The following PLD1 variants were observed in gnomAD, a reference collection of about 807,000 sequenced individuals.
The protein encoded by PLD1 is choline phosphatase 1.
A neutral mutation model predicts 137.1 loss-of-function variants in PLD1; 112 were observed. That is an observed-to-expected ratio of 0.82 (90% CI 0.70 to 0.96). PLD1 has a LOEUF of 0.96. PLD1 is among the 40% of genes least tolerant of loss of function. PLD1 has a pLI of 0.00. For synonymous variants in PLD1, 431 were observed against 454.7 expected, an observed-to-expected ratio of 0.95 and a Z score of 0.66; for missense variants, 1,321 against 1,342.0, an observed-to-expected ratio of 0.98 and a Z score of 0.24.
intron 1 of PLD1, among the ~76,000 whole-genome samples, chr3:171,775,944 C>T (rs1281744060): frequency 6.6e-6 from 1 of 152,040 alleles, no homozygotes; most frequent in Non-Finnish European, 1.5e-5. Context: ...AAGGGGGACC[C>T]TAGTATGAGA....
At chr3:171,788,674 T>C (rs1464315414) in intron 1 of PLD1, 1 of 152,236 alleles carries the variant, frequency 6.6e-6, no homozygotes, top group East Asian at 1.9e-4. Flanking sequence ...GTCAAGATGA[T>C]GACGAAACTC....
intron 8 of PLD1, among the ~76,000 whole-genome samples, chr3:171,715,486 T>A (rs1054959228): frequency 6.6e-6 from 1 of 152,208 alleles, no homozygotes; most frequent in African/African-American, 2.4e-5. Context: ...ATTTTAGGAT[T>A]GTTTTTTCTA....
intron 13 of PLD1, among the ~76,000 whole-genome samples, chr3:171,690,152 C>A (rs936223532): frequency 6.6e-6 from 1 of 152,070 alleles, no homozygotes; most frequent in African/African-American, 2.4e-5. Flanking sequence ...TCTAGGTTAT[C>A]GAATTGCTTA....
intron 21 of PLD1, among the ~76,000 whole-genome samples, chr3:171,658,327 A>G (rs1737383985): frequency 1.3e-5 from 2 of 152,196 alleles, no homozygotes; most frequent in Non-Finnish European, 2.9e-5. Context: ...AAATGAAAAT[A>G]TATATCTGCA....
chr3:171,702,323 GA>G (rs1218399310), intron 11 of PLD1, among the ~76,000 whole-genome samples: 7 of 151,710 alleles, frequency 4.6e-5, no homozygotes, highest in Non-Finnish European at 8.8e-5. Flanking sequence ...CTGTCTCTAC[GA>G]AAAAATTTAA....
rs144109367 is a variant in PLD1 at position 171,662,075 on chromosome 3, G to T, written c.2325C>A (p.His775Gln). 11 of 1,596,386 alleles carry T rather than the reference G, an allele frequency of 6.9e-6. No individual in the cohort carries two copies. In the African/African-American group the frequency reaches 1.2e-4, roughly 18 times the overall value. Residue 775 changes from histidine (H) to glutamine (Q), a missense_variant, in exon 20 of 27, where the codon CAC becomes CAA. By Grantham distance (24) the His-to-Gln change is conservative. Transcript: ENST00000351298. The part of the protein sequence containing the change: ...AYVHVIENSR[H>Q]YIYIENQFFI... ...CAAGACTTACTTCGATATAGATATA[G>T]TGCCTGCTGTTCTCTATCACATGGA...
chr3:171,779,044 C>T (rs1722687543), intron 1 of PLD1, among the ~76,000 whole-genome samples: 1 of 152,072 alleles, frequency 6.6e-6, no homozygotes, highest in African/African-American at 2.4e-5. Context: ...CAAAACTTAG[C>T]TGGGTATGGT....
chr3:171,612,834 A>G lies in PLD1; in HGVS notation c.2729-402T>C, dbSNP rs113124860. Reference sequence around the variant, plus strand: ...CAGGAGCTGCTGCAGCCATTTCACAACCACTAGAGAACAAACAAAAAAGCT... The same window carrying G: ...CAGGAGCTGCTGCAGCCATTTCACAGCCACTAGAGAACAAACAAAAAAGCT... On this transcript the variant is annotated intron_variant, in intron 24 of 26. Coordinates refer to ENST00000351298, the MANE Select transcript of PLD1 (RefSeq NM_002662.5). This position sits in a 1 kb window ranked among gnomAD's most constrained non-coding sequence, Gnocchi z 4.1. 1.7e-3 allele frequency among the ~76,000 whole-genome samples: 257 copies of G among 152,246 alleles called. 3 individuals carry two copies. The highest frequency in any genetic ancestry group is 5.9e-3 in the African/African-American group (247 of 41,538).
intron 21 of PLD1, among the ~76,000 whole-genome samples, chr3:171,646,260 GTGT>G (rs1736204661): frequency 1.3e-5 from 2 of 152,134 alleles, no homozygotes; most frequent in Admixed American, 1.3e-4. Flanking sequence ...TCACACAAAG[GTGT>G]TGTCATTGGT....
At chr3:171,628,846 T>C (rs973062981) in intron 23 of PLD1, among the ~76,000 whole-genome samples, 3 of 152,184 alleles carry the variant, frequency 2.0e-5, no homozygotes, top group Non-Finnish European at 4.4e-5. Flanking sequence ...AAATTAGGTA[T>C]TGATGGGACA....
intron 8 of PLD1, 22 bp downstream of exon 8, chr3:171,724,674 C>T (rs774376042): frequency 5.6e-6 from 8 of 1,432,680 alleles, no homozygotes; most frequent in South Asian, 3.4e-5. Context: ...CAAACAAATA[C>T]ACAAAACTCA....
intron 23 of PLD1, among the ~76,000 whole-genome samples, chr3:171,634,408 C>T (rs955343398): frequency 1.3e-5 from 2 of 152,056 alleles, no homozygotes; most frequent in African/African-American, 2.4e-5. Flanking sequence ...ATGATTTTCC[C>T]GATTTTATTT....
At chr3:171,634,075 C>A (rs934207804) in intron 23 of PLD1, among the ~76,000 whole-genome samples, 1 of 152,168 alleles carries the variant, frequency 6.6e-6, no homozygotes, top group African/African-American at 2.4e-5. Context: ...AACAATACAA[C>A]CTTGTACTTT....
Position 171,662,136 on chromosome 3 carries a change from A to T in PLD1, c.2264T>A (p.Ile755Lys). 6.2e-7 allele frequency: 1 copy of T among 1,613,500 alleles called. No homozygotes were observed. The highest frequency in any genetic ancestry group is 1.3e-5 in the African/African-American group (1 of 75,042). ...LRSAADWSAG[I>K]KYHEESIHAA... is the part of the protein sequence containing the mutation. Reference sequence around the variant, plus strand: ...GTGGATGGACTCTTCATGGTACTTTATACCAGCAGACCAATCAGCAGCAGA... The same window carrying T: ...GTGGATGGACTCTTCATGGTACTTTTTACCAGCAGACCAATCAGCAGCAGA... The change falls in exon 20 of 27, where the codon ATA (isoleucine) becomes AAA (lysine). Residue 755 changes from isoleucine to lysine, a missense_variant. Transcript: ENST00000351298.
intron 23 of PLD1, among the ~76,000 whole-genome samples, chr3:171,622,181 A>G (rs1733696630): frequency 6.6e-6 from 1 of 152,172 alleles, no homozygotes; most frequent in Non-Finnish European, 1.5e-5. Flanking sequence ...GCTAAAGTAA[A>G]TATTTTTTTA....
chr3:171,619,092 T>C (rs1733369103), intron 24 of PLD1, among the ~76,000 whole-genome samples: 1 of 152,198 alleles, frequency 6.6e-6, no homozygotes, highest in Admixed American at 6.5e-5. Context: ...AAGTATCTTA[T>C]TATAGCTGAT....
chr3:171,737,646 G>A lies in PLD1; in HGVS notation c.174C>T (p.Phe58=). 6.4e-7 allele frequency: 1 copy of A among 1,556,384 alleles called. No individual in the cohort carries two copies. The highest frequency in any genetic ancestry group is 1.1e-5 in the South Asian group (1 of 87,618). ...ATCCTTGAGTGTTATAAATAGCAGAGAAAGGGATATACACTAAAAAAAAAA... is the reference window on the plus strand; with the variant it reads ...ATCCTTGAGTGTTATAAATAGCAGAAAAAGGGATATACACTAAAAAAAAAA... ...DPKIQEVYIP[F]SAIYNTQGFK... The change falls in exon 3 of 27, where the codon TTC becomes TTT. Residue 58 remains phenylalanine (F), a synonymous_variant. Transcript: ENST00000351298.
At chr3:171,798,859 G>A (rs994516321) in intron 1 of PLD1, among the ~76,000 whole-genome samples, 1 of 152,114 alleles carries the variant, frequency 6.6e-6, no homozygotes, top group Non-Finnish European at 1.5e-5. Flanking sequence ...GCCATGCTGG[G>A]ATGGGCCTCA....
rs1499849 is a variant in PLD1, at chr3:171,618,720, A to T, written c.2728+1666T>A. ...TGCTATACAAATATTAAAAGTGTGT[A>T]TGTGTGTGTGTGTGTGTGTGTGTGT... is the stretch of plus-strand genomic sequence containing the variant. On this transcript the variant is annotated intron_variant, in intron 24 of 26. Transcript: ENST00000351298. Among the ~76,000 whole-genome samples, 3 of 140,658 alleles carry T rather than the reference A, an allele frequency of 2.1e-5. No homozygotes were observed. The East Asian group carries it at 6.8e-4, about 32-fold the overall frequency. The allele number at this position is 140,658 out of a possible 152,430, so 92.3% of individuals were successfully genotyped here.
Sources: allele counts gnomAD v4.1 joint callset (sites outside exome capture counted in the v4.1 genomes callset), GRCh38; gene constraint gnomAD v4.1.1; non-coding constraint Gnocchi (gnomAD v3.1); transcripts MANE v1.5; gene names NCBI Gene and HGNC (gene_info 2026-07-23, HGNC 2026-07-21).